Variants in MACROD1 observed in about 807,000 individuals in gnomAD.
MACROD1 encodes ADP-ribose glycohydrolase MACROD1.
MACROD1 carries 31 observed loss-of-function variants against 41.4 expected under a neutral mutation model. The ratio of observed to expected loss-of-function variants is 0.75; its 90% CI spans 0.56 to 1.01. The LOEUF (loss-of-function observed/expected upper bound fraction) is 1.01. Ranked by LOEUF, MACROD1 falls within the 50% of genes least tolerant of loss-of-function variation. The probability of loss-of-function intolerance (pLI) is 0.00; values close to 1 mark genes in which losing one functional copy is unlikely to be tolerated. For missense variants in MACROD1, 473 were observed against 460.0 expected (o/e 1.03, Z -0.26); for synonymous variants, 252 against 203.4 (o/e 1.24, Z -2.03).
intron 3 of MACROD1, among the ~76,000 whole-genome samples, chr11:64,132,217 G>A (rs1945275912): frequency 6.6e-6 from 1 of 152,148 alleles, no homozygotes; most frequent in Admixed American, 6.5e-5. Context: ...TTTCTCAGTG[G>A]TCCCGGGAGG....
chr11:64,144,624 C>T (rs1275052520), intron 3 of MACROD1, among the ~76,000 whole-genome samples: 1 of 152,000 alleles, frequency 6.6e-6, no homozygotes, highest in Non-Finnish European at 1.5e-5. Flanking sequence ...GGAGGGAGCC[C>T]GGCCCCACCT....
intron 3 of MACROD1, among the ~76,000 whole-genome samples, chr11:64,147,595 G>C (rs1945512702): frequency 6.6e-6 from 1 of 151,388 alleles, no homozygotes; most frequent in African/African-American, 2.4e-5. Flanking sequence ...GCTAATTTTT[G>C]TATTTTTAGT....
chr11:64,094,372 A>G (rs1433197746), intron 3 of MACROD1, among the ~76,000 whole-genome samples: 3 of 151,954 alleles, frequency 2.0e-5, no homozygotes, highest in Non-Finnish European at 4.4e-5. Flanking sequence ...CGGAGGTTGC[A>G]GTGAGCTGAG....
intron 4 of MACROD1, 23 bp downstream of exon 4, chr11:64,015,229 A>C: frequency 6.3e-7 from 1 of 1,591,130 alleles, no homozygotes. Context: ...CCCCACCCCC[A>C]CCAAGACAGA....
Position 64,117,043 on chromosome 11 carries a change from C to T in MACROD1, c.517+34196G>A, listed in dbSNP as rs776773158. ...ACAGAGCTCTCGCTGGTGCGCAATT[C>T]GCTGGCCGCGCCACCCCTCAACCTG... On this transcript the variant is annotated intron_variant, in intron 3 of 10. Coordinates refer to ENST00000255681, the MANE Select transcript of MACROD1 (RefSeq NM_014067.4). 1.2e-5 allele frequency: 19 copies of T among 1,606,674 alleles called. No individual in the cohort carries two copies. In the Admixed American group the frequency reaches 1.2e-4, roughly 10 times the overall value.
chr11:64,054,263 T>G (rs994440156), intron 3 of MACROD1, among the ~76,000 whole-genome samples: 12 of 152,160 alleles, frequency 7.9e-5, no homozygotes, highest in Admixed American at 6.5e-5. Context: ...GACAGTTGGC[T>G]CAAGTCATGA....
intron 3 of MACROD1, among the ~76,000 whole-genome samples, chr11:64,095,508 G>A (rs1944560600): frequency 6.6e-6 from 1 of 152,228 alleles, no homozygotes; most frequent in African/African-American, 2.4e-5. Flanking sequence ...CCAGAGAGCT[G>A]GGAGCTGAGT....
rs369120369 is a variant in MACROD1, at chr11:63,999,066, A to C, written c.892-30T>G. The C allele has an allele frequency of 1.4e-3, 2,231 of 1,570,918 alleles. 3 individuals carry two copies. The highest frequency in any genetic ancestry group is 1.9e-3 in the Non-Finnish European group (2,149 of 1,159,718). The stretch of plus-strand genomic sequence containing the variant: ...GCCAGGGGCTGCTCAGCCTGGGCCG[A>C]GCTGCCACGCCTGGCCCCAGGATCC... On this transcript the variant is annotated intron_variant, in intron 8 of 10. Transcript: ENST00000255681.
intron 3 of MACROD1, among the ~76,000 whole-genome samples, chr11:64,106,078 T>C (rs1172222849): frequency 4.0e-5 from 6 of 151,734 alleles, no homozygotes; most frequent in Admixed American, 2.0e-4. Context: ...TCCATATCAG[T>C]GGGGGTGAGG....
At chr11:64,016,351 C>T (rs181091115) in intron 3 of MACROD1, among the ~76,000 whole-genome samples, 7 of 152,348 alleles carry the variant, frequency 4.6e-5, no homozygotes, top group East Asian at 1.9e-4. Context: ...AGGCAGGTGC[C>T]GCCCAGGCCC....
At chr11:64,144,902 CCT>C (rs1945471628) in intron 3 of MACROD1, among the ~76,000 whole-genome samples, 1 of 152,266 alleles carries the variant, frequency 6.6e-6, no homozygotes. Context: ...CTGCGGGGCC[CCT>C]GCTTGGTAGT....
chr11:64,090,692 C>T lies in MACROD1; in HGVS notation c.517+60547G>A, dbSNP rs980556723. 1.3e-5 allele frequency among the ~76,000 whole-genome samples: 2 copies of T among 152,116 alleles called. No homozygotes were observed. The highest frequency in any genetic ancestry group is 1.9e-4 in the East Asian group (1 of 5,174). ...ACAGACCACTTCTCTGAGGCGGGGACGTCCCAAGACTAAAATGGGGGCAGG... is the reference window on the plus strand; with the variant it reads ...ACAGACCACTTCTCTGAGGCGGGGATGTCCCAAGACTAAAATGGGGGCAGG... On this transcript the variant is annotated intron_variant, in intron 3 of 10. Transcript: ENST00000255681. The surrounding 1 kb of genome is among the most constrained non-coding windows in gnomAD (Gnocchi z 4.7).
At chr11:64,124,350 T>C (rs917448025) in intron 3 of MACROD1, among the ~76,000 whole-genome samples, 22 of 152,228 alleles carry the variant, frequency 1.4e-4, no homozygotes, top group African/African-American at 4.8e-4. Flanking sequence ...CTGCTGCTGC[T>C]GCCACTGTAT....
chr11:64,116,790 G>T, intron 3 of MACROD1: 4 of 1,613,494 alleles, frequency 2.5e-6, no homozygotes, highest in South Asian at 1.1e-5. Flanking sequence ...CGCCTTCGCC[G>T]ACAGCAAACA....
At chr11:64,118,496 A>C (rs773478758) in intron 3 of MACROD1, 2 of 509,572 alleles carry the variant, frequency 3.9e-6, no homozygotes, top group Non-Finnish European at 6.8e-6. Context: ...AGAAGGCAGG[A>C]GGGGGAATTC....
intron 3 of MACROD1, among the ~76,000 whole-genome samples, chr11:64,048,168 C>T (rs1273063440): frequency 6.6e-6 from 1 of 152,250 alleles, no homozygotes; most frequent in Non-Finnish European, 1.5e-5. Context: ...CCTCTCTGGC[C>T]CACTGGCCTC....
chr11:64,084,191 C>T (rs1475617893), intron 3 of MACROD1, among the ~76,000 whole-genome samples: 1 of 152,138 alleles, frequency 6.6e-6, no homozygotes. Flanking sequence ...TGCTGCCTCC[C>T]CCTCCTCTCA....
chr11:64,003,939 G>A (rs1323516032), intron 4 of MACROD1, among the ~76,000 whole-genome samples: 1 of 152,218 alleles, frequency 6.6e-6, no homozygotes, highest in African/African-American at 2.4e-5. Context: ...TGCCCCCAGC[G>A]CTGACGGCTC....
intron 3 of MACROD1, among the ~76,000 whole-genome samples, chr11:64,033,380 C>T (rs1304526285): frequency 3.3e-5 from 5 of 152,240 alleles, no homozygotes; most frequent in Middle Eastern, 3.4e-3. Flanking sequence ...GCTGTTAAAA[C>T]CACAATTATG....
Sources: allele counts gnomAD v4.1 joint callset (sites outside exome capture counted in the v4.1 genomes callset), GRCh38; gene constraint gnomAD v4.1.1; non-coding constraint Gnocchi (gnomAD v3.1); transcripts MANE v1.5; gene names NCBI Gene and HGNC (gene_info 2026-07-23, HGNC 2026-07-21).